The following MACROD2 variants were observed in gnomAD, a reference collection of about 807,000 sequenced individuals.
The protein encoded by MACROD2 is ADP-ribose glycohydrolase MACROD2.
A neutral mutation model predicts 70.4 loss-of-function variants in MACROD2; 36 were observed. That is an observed-to-expected ratio of 0.51 (90% CI 0.39 to 0.68). MACROD2 has a LOEUF of 0.68. Ranked by LOEUF, MACROD2 falls within the 30% of genes least tolerant of loss-of-function variation. The pLI is 0.00. For missense variants in MACROD2, 496 were observed against 538.4 expected (o/e 0.92, Z 0.78); for synonymous variants, 172 against 178.8 (o/e 0.96, Z 0.30).
At chr20:14,806,202 A>C (rs1158168785) in intron 5 of MACROD2, among the ~76,000 whole-genome samples, 1 of 152,114 alleles carries the variant, frequency 6.6e-6, no homozygotes, top group Admixed American at 6.6e-5. Context: ...TGGAGCTCCC[A>C]GTGAGACCAA....
Position 14,368,542 on chromosome 20 carries a change from C to CA in MACROD2, c.272-124927dup, listed in dbSNP as rs1369594489. Reference sequence around the variant, plus strand: ...TGGGTGACAGAGCGAGACTCTGTCTCAAAAAAAAAACACACACACACAAAA... The same window carrying CA: ...TGGGTGACAGAGCGAGACTCTGTCTCAAAAAAAAAAACACACACACACAAAA... On this transcript the variant is annotated intron_variant, in intron 3 of 17. Transcript: ENST00000684519. Among the ~76,000 whole-genome samples, 472 of 130,220 alleles carry CA rather than the reference C, an allele frequency of 3.6e-3. 2 individuals are homozygous for CA. The highest frequency in any genetic ancestry group is 4.1e-3 in the Middle Eastern group (1 of 246). 85.4% of individuals were successfully genotyped at this position (130,220 alleles called of 152,430 possible).
chr20:15,196,527 T>C (rs145536235), intron 5 of MACROD2, among the ~76,000 whole-genome samples: 2 of 152,236 alleles, frequency 1.3e-5, no homozygotes, highest in East Asian at 1.9e-4. Context: ...ATACCTTCCA[T>C]TGAAAAGAAA....
chr20:15,879,591 G>T (rs1332961237), intron 9 of MACROD2, among the ~76,000 whole-genome samples: 3 of 152,006 alleles, frequency 2.0e-5, no homozygotes, highest in Non-Finnish European at 4.4e-5. Flanking sequence ...TTCAAAAGAT[G>T]GTATGTCACT....
chr20:14,770,264 C>T (rs2072147341), intron 5 of MACROD2, among the ~76,000 whole-genome samples: 1 of 151,582 alleles, frequency 6.6e-6, no homozygotes, highest in Non-Finnish European at 1.5e-5. Flanking sequence ...ACATATGTTA[C>T]TTACTGCATA....
intron 5 of MACROD2, among the ~76,000 whole-genome samples, chr20:14,908,874 A>G (rs2073992235): frequency 6.6e-6 from 1 of 152,158 alleles, no homozygotes; most frequent in African/African-American, 2.4e-5. Context: ...AGACAGTACT[A>G]CAAGAGTTAA....
chr20:15,574,505 TTGTTCA>T (rs2048418311), intron 8 of MACROD2, among the ~76,000 whole-genome samples: 1 of 152,156 alleles, frequency 6.6e-6, no homozygotes, highest in African/African-American at 2.4e-5. Flanking sequence ...TAATGGTGTT[TTGTTCA>T]GTCTGAGGAG....
chr20:14,331,398 T>C (rs2082835864), intron 3 of MACROD2, among the ~76,000 whole-genome samples: 1 of 152,142 alleles, frequency 6.6e-6, no homozygotes. Flanking sequence ...CTCTATTCTG[T>C]TTGATATGCA....
intron 3 of MACROD2, among the ~76,000 whole-genome samples, chr20:14,432,309 C>T (rs915214576): frequency 7.2e-5 from 11 of 151,992 alleles, no homozygotes; most frequent in African/African-American, 1.7e-4. Context: ...GTAGCTCATA[C>T]GTCATTTCAC....
chr20:14,618,306 T>G (rs1983597582), intron 4 of MACROD2, among the ~76,000 whole-genome samples: 1 of 152,148 alleles, frequency 6.6e-6, no homozygotes, highest in South Asian at 2.1e-4. Context: ...TTGTGTGTTT[T>G]GAGAGGCAGC....
chr20:15,352,901 C>A (rs6131666), intron 6 of MACROD2, among the ~76,000 whole-genome samples: 10,801 of 151,696 alleles, frequency 0.071, 547 homozygotes, highest in East Asian at 0.16. Flanking sequence ...TAGGAAGAAT[C>A]AATATCATGA....
chr20:15,802,784 GA>G (rs942084466), intron 8 of MACROD2, among the ~76,000 whole-genome samples: 1 of 151,582 alleles, frequency 6.6e-6, no homozygotes, highest in African/African-American at 2.4e-5. Flanking sequence ...GACTAATCAA[GA>G]AAAAAGATAA....
intron 8 of MACROD2, among the ~76,000 whole-genome samples, chr20:15,783,955 T>C (rs1312306057): frequency 1.3e-5 from 2 of 152,214 alleles, no homozygotes; most frequent in East Asian, 3.8e-4. Context: ...GCGAGCTGGC[T>C]ACCTATGTCT....
intron 8 of MACROD2, among the ~76,000 whole-genome samples, chr20:15,610,991 C>CTTTTTTTTTTTTTTTTTTTTTTTTTTTT (rs34495725): frequency 1.7e-5 from 1 of 60,090 alleles, no homozygotes; most frequent in African/African-American, 6.2e-5. Flanking sequence ...AGCCAAAAAT[C>CTTTTTTTTTTTTTTTTTTTTTTTTTTTT]TTTTTTTTTT....
At chr20:14,383,512 T>C (rs2083443538) in intron 3 of MACROD2, among the ~76,000 whole-genome samples, 3 of 152,182 alleles carry the variant, frequency 2.0e-5, no homozygotes, top group Admixed American at 2.0e-4. Flanking sequence ...CAGACATTAG[T>C]CATCTGTAAA....
At chr20:14,816,353 A>G (rs2072773685) in intron 5 of MACROD2, among the ~76,000 whole-genome samples, 1 of 152,058 alleles carries the variant, frequency 6.6e-6, no homozygotes, top group Non-Finnish European at 1.5e-5. Flanking sequence ...TTAAGAAGTA[A>G]ATAATTCCTA....
intron 5 of MACROD2, among the ~76,000 whole-genome samples, chr20:14,880,924 T>C (rs2073604445): frequency 6.6e-6 from 1 of 152,058 alleles, no homozygotes; most frequent in African/African-American, 2.4e-5. Flanking sequence ...GCAGCTGCAA[T>C]CACAGTGCCC....
At chr20:14,915,813 G>T (rs1483904061) in intron 5 of MACROD2, among the ~76,000 whole-genome samples, 1 of 152,164 alleles carries the variant, frequency 6.6e-6, no homozygotes, top group Non-Finnish European at 1.5e-5. Flanking sequence ...GAGCTTCCAA[G>T]CTGTGACATT....
intron 5 of MACROD2, among the ~76,000 whole-genome samples, chr20:14,996,028 G>T (rs1464546890): frequency 6.6e-6 from 1 of 152,176 alleles, no homozygotes; most frequent in Non-Finnish European, 1.5e-5. Context: ...TTTAGATTCA[G>T]TGCAATAAAG....
chr20:14,399,159 A>G (rs572297273), intron 3 of MACROD2, among the ~76,000 whole-genome samples: 7 of 151,968 alleles, frequency 4.6e-5, no homozygotes, highest in African/African-American at 1.7e-4. Flanking sequence ...AGCTGGGACT[A>G]TAGGCACACG....
Sources: gnomAD v4.1 joint callset for allele counts (sites outside exome capture counted in the v4.1 genomes callset) on GRCh38, gnomAD v4.1.1 for gene constraint, MANE v1.5 for transcripts, NCBI Gene and HGNC (gene_info 2026-07-23, HGNC 2026-07-21) for gene names.